Variants in FHOD3 observed in about 807,000 individuals in gnomAD.
FHOD3 encodes formin homology 2 domain containing 3, also known as FH1/FH2 domain-containing protein 3.
A neutral mutation model predicts 173.0 loss-of-function variants in FHOD3; 90 were observed. That is an observed-to-expected ratio of 0.52 (90% CI 0.44 to 0.62). The LOEUF (loss-of-function observed/expected upper bound fraction) is 0.62, where lower values mean the gene tolerates loss of function less well. FHOD3 is among the 20% of genes least tolerant of loss of function. FHOD3 has a pLI of 0.00. For synonymous variants in FHOD3, 828 were observed against 823.0 expected (o/e 1.01, Z -0.10); for missense variants, 1,945 against 2,034.7 (o/e 0.96, Z 0.85).
intron 19 of FHOD3, among the ~76,000 whole-genome samples, chr18:36,725,517 G>A (rs538628399): frequency 6.6e-6 from 1 of 152,262 alleles, no homozygotes; most frequent in South Asian, 2.1e-4. Context: ...ACCTGTGCAG[G>A]GTTCAGCATC....
At position 36,297,881 on chromosome 18, in the gene FHOD3, C is replaced by T; in HGVS notation, c.46C>T (p.Pro16Ser). ...GGTGCAGTTCTTGGACGACACGGAC[C>T]CTTTCAACAGCACCAACTTCCCCGA... ...CRVQFLDDTDPFNSTNFPEPS... is the reference protein window; with the variant it reads ...CRVQFLDDTDSFNSTNFPEPS... Residue 16 changes from proline (P) to serine (S), a missense_variant, in exon 1 of 29, where the codon CCT becomes TCT. By Grantham distance (74) the Pro-to-Ser change is moderately conservative (BLOSUM62 -1). Coordinates refer to ENST00000590592, the MANE Select transcript of FHOD3 (RefSeq NM_001281740.3). 1 of 1,556,070 alleles carries T rather than the reference C, an allele frequency of 6.4e-7. No homozygotes were observed. Among genetic ancestry groups the T allele is most frequent in the Non-Finnish European group, 8.7e-7 (1 of 1,151,424 alleles).
At chr18:36,650,020 G>A (rs2035943985) in intron 11 of FHOD3, among the ~76,000 whole-genome samples, 1 of 152,000 alleles carries the variant, frequency 6.6e-6, no homozygotes, top group Non-Finnish European at 1.5e-5. Context: ...CTATCCTCAG[G>A]CAACGCTGAC....
intron 10 of FHOD3, among the ~76,000 whole-genome samples, chr18:36,634,165 G>A (rs771140751): frequency 6.6e-6 from 1 of 152,134 alleles, no homozygotes; most frequent in Non-Finnish European, 1.5e-5. Flanking sequence ...GGTAGGATGC[G>A]GGTAGCCAAG....
At chr18:36,425,555 G>A (rs1336027785) in intron 3 of FHOD3, among the ~76,000 whole-genome samples, 1 of 152,086 alleles carries the variant, frequency 6.6e-6, no homozygotes. Context: ...TGAATATAAG[G>A]TTATGTTCAT....
chr18:36,417,708 A>G (rs931333787), intron 3 of FHOD3, among the ~76,000 whole-genome samples: 97 of 152,294 alleles, frequency 6.4e-4, no homozygotes, highest in African/African-American at 2.2e-3. Flanking sequence ...TTGCTCTTCC[A>G]TATATTTCTG....
chr18:36,648,990 A>C (rs924949958), intron 10 of FHOD3, among the ~76,000 whole-genome samples: 6 of 152,208 alleles, frequency 3.9e-5, no homozygotes, highest in African/African-American at 4.8e-5. Context: ...AGGTCTGCCC[A>C]TGGCCAGAAG....
At chr18:36,519,635 G>A (rs74865103) in intron 5 of FHOD3, among the ~76,000 whole-genome samples, 1 of 152,202 alleles carries the variant, frequency 6.6e-6, no homozygotes. Flanking sequence ...GCTCCTGCCA[G>A]GGGAAGCAAG....
At chr18:36,493,720 G>T (rs2054590225) in intron 3 of FHOD3, among the ~76,000 whole-genome samples, 1 of 152,152 alleles carries the variant, frequency 6.6e-6, no homozygotes, top group African/African-American at 2.4e-5. Flanking sequence ...TGGTTGTATT[G>T]TCAATAACTG....
intron 3 of FHOD3, among the ~76,000 whole-genome samples, chr18:36,381,840 T>C (rs967887171): frequency 6.6e-6 from 1 of 152,214 alleles, no homozygotes; most frequent in Non-Finnish European, 1.5e-5. Flanking sequence ...CTAAGTACCA[T>C]GTGCTAACAG....
intron 14 of FHOD3, among the ~76,000 whole-genome samples, chr18:36,674,698 C>G (rs571702272): frequency 1.8e-4 from 28 of 152,218 alleles, no homozygotes; most frequent in African/African-American, 6.5e-4. Flanking sequence ...TGTCACTTGG[C>G]TAGGAGAATA....
chr18:36,696,377 A>G (rs746161773), intron 17 of FHOD3, among the ~76,000 whole-genome samples: 1 of 152,236 alleles, frequency 6.6e-6, no homozygotes, highest in Non-Finnish European at 1.5e-5. Context: ...AATATTTGTT[A>G]TTGAATTTTC....
At chr18:36,673,530 A>G (rs760957052) in intron 14 of FHOD3, among the ~76,000 whole-genome samples, 97 of 152,106 alleles carry the variant, frequency 6.4e-4, no homozygotes, top group Non-Finnish European at 1.2e-3. Flanking sequence ...CCTAATCACC[A>G]CTTAGTAGGT....
intron 21 of FHOD3, among the ~76,000 whole-genome samples, chr18:36,741,498 A>AGT (rs1247942261): frequency 6.6e-6 from 1 of 152,162 alleles, no homozygotes; most frequent in African/African-American, 2.4e-5. Flanking sequence ...AGCCAGGTGC[A>AGT]GTGGCTCACA....
Position 36,436,221 on chromosome 18 carries a change from G to A in FHOD3, c.337+63477G>A, listed in dbSNP as rs189418540. ...AAATAAACTGTGAAATAAGTTCTTA[G>A]CATTTCTTGAAGGCAAGGAACCAGC... On this transcript the variant is annotated intron_variant, in intron 3 of 28. Transcript: ENST00000590592. Among the ~76,000 whole-genome samples the A allele has an allele frequency of 1.6e-4, 25 of 152,246 alleles. No individual in the cohort carries two copies. The East Asian group carries it at 4.4e-3, about 27-fold the overall frequency.
intron 5 of FHOD3, among the ~76,000 whole-genome samples, chr18:36,571,582 A>G (rs2147892270): frequency 6.6e-6 from 1 of 152,350 alleles, no homozygotes; most frequent in East Asian, 1.9e-4. Context: ...GAAAAAGAAG[A>G]ACGAATAGGA....
intron 14 of FHOD3, among the ~76,000 whole-genome samples, chr18:36,676,227 A>G (rs1170916240): frequency 6.6e-6 from 1 of 152,218 alleles, no homozygotes; most frequent in Non-Finnish European, 1.5e-5. Context: ...ATGTACATGT[A>G]TCACTAGCTT....
intron 8 of FHOD3, among the ~76,000 whole-genome samples, chr18:36,607,519 C>T (rs2032211277): frequency 6.6e-6 from 1 of 152,128 alleles, no homozygotes; most frequent in Non-Finnish European, 1.5e-5. Flanking sequence ...CCCTTCTATC[C>T]ATACTATAAT....
intron 3 of FHOD3, among the ~76,000 whole-genome samples, chr18:36,473,945 G>T (rs1349491031): frequency 6.6e-6 from 1 of 152,180 alleles, no homozygotes. Flanking sequence ...CCTGTTTGGG[G>T]AAACATATCT....
At chr18:36,320,152 T>C (rs1738686739) in intron 1 of FHOD3, among the ~76,000 whole-genome samples, 1 of 151,628 alleles carries the variant, frequency 6.6e-6, no homozygotes, top group Non-Finnish European at 1.5e-5. Flanking sequence ...CTGAAGGAGA[T>C]AGAGACACAA....
Sources: allele counts gnomAD v4.1 joint callset (sites outside exome capture counted in the v4.1 genomes callset), GRCh38; gene constraint gnomAD v4.1.1; transcripts MANE v1.5; gene names NCBI Gene and HGNC (gene_info 2026-07-23, HGNC 2026-07-21).